The following CNTNAP2 variants were observed in gnomAD, a reference collection of about 807,000 sequenced individuals.
CNTNAP2 encodes contactin associated protein 2, also known as contactin-associated protein-like 2.
CNTNAP2 carries 98 observed loss-of-function variants against 155.2 expected under a neutral mutation model. The ratio of observed to expected loss-of-function variants is 0.63; its 90% CI spans 0.54 to 0.75. CNTNAP2 has a LOEUF of 0.75. Among genes scored for constraint, CNTNAP2 ranks in the 30% least tolerant of loss-of-function variants. CNTNAP2 has a pLI of 0.00. For synonymous variants in CNTNAP2, 651 were observed against 631.2 expected, an observed-to-expected ratio of 1.03 and a Z score of -0.47; for missense variants, 1,727 against 1,688.1, an observed-to-expected ratio of 1.02 and a Z score of -0.40.
At chr7:146,509,389 G>A (rs1413244248) in intron 1 of CNTNAP2, among the ~76,000 whole-genome samples, 1 of 152,190 alleles carries the variant, frequency 6.6e-6, no homozygotes, top group Non-Finnish European at 1.5e-5. Flanking sequence ...AGACAATACT[G>A]TTGGCTCCCT....
intron 1 of CNTNAP2, among the ~76,000 whole-genome samples, chr7:146,298,093 G>A (rs1800545009): frequency 6.6e-6 from 1 of 152,084 alleles, no homozygotes; most frequent in African/African-American, 2.4e-5. Context: ...GGAAACTATT[G>A]GTTTTCTTAC....
intron 9 of CNTNAP2, among the ~76,000 whole-genome samples, chr7:147,331,006 G>A (rs1005290239): frequency 1.3e-5 from 2 of 152,282 alleles, no homozygotes; most frequent in South Asian, 2.1e-4. Context: ...AAAGAGTAAT[G>A]TTTGGCCCTG....
At chr7:146,412,287 C>G (rs547411583) in intron 1 of CNTNAP2, among the ~76,000 whole-genome samples, 5 of 152,338 alleles carry the variant, frequency 3.3e-5, no homozygotes, top group African/African-American at 9.6e-5. Flanking sequence ...ATGCTCTTAT[C>G]TGTAAATCAG....
At chr7:148,409,742 C>A (rs887732712) in intron 23 of CNTNAP2, among the ~76,000 whole-genome samples, 2 of 149,272 alleles carry the variant, frequency 1.3e-5, no homozygotes, top group African/African-American at 5.0e-5. Context: ...CATGGCAAAA[C>A]CCCATATCTA....
intron 1 of CNTNAP2, among the ~76,000 whole-genome samples, chr7:146,457,795 G>T (rs1035351477): frequency 1.3e-5 from 2 of 151,530 alleles, no homozygotes; most frequent in Admixed American, 6.6e-5. Context: ...GAACAACTGC[G>T]CCTGGCCCAA....
rs570661863 is a variant in CNTNAP2 at position 147,468,879 on chromosome 7, C to T, written c.1671-17056C>T. On this transcript the variant is annotated intron_variant, in intron 10 of 23. Coordinates refer to ENST00000361727, the MANE Select transcript of CNTNAP2 (RefSeq NM_014141.6). ...CCCCCCAGACAGAGTGTCACTCTTTCACCCAGGCTGGAATGCAGTGACACA... is the reference window on the plus strand; with the variant it reads ...CCCCCCAGACAGAGTGTCACTCTTTTACCCAGGCTGGAATGCAGTGACACA... Among the ~76,000 whole-genome samples the T allele has an allele frequency of 4.0e-4, 61 of 151,348 alleles. No homozygotes were observed. The South Asian group carries it at 0.011, about 26-fold the overall frequency.
At position 147,833,230 on chromosome 7, in the gene CNTNAP2, C is replaced by T. The variant is rs138751949; in HGVS notation, c.2099-70335C>T. 5.1e-3 allele frequency among the ~76,000 whole-genome samples: 764 copies of T among 151,164 alleles called. 2 individuals carry two copies. Among genetic ancestry groups the T allele is most frequent in the South Asian group, 7.5e-3 (36 of 4,780 alleles). ...GAACATGAGGAGATGGTATACAAAT[C>T]TACAGAGGCATGAAACAATAGAAAT... is the stretch of plus-strand genomic sequence containing the variant. On this transcript the variant is annotated intron_variant, in intron 13 of 23. Coordinates refer to ENST00000361727, the MANE Select transcript of CNTNAP2 (RefSeq NM_014141.6).
intron 1 of CNTNAP2, among the ~76,000 whole-genome samples, chr7:146,738,157 C>T (rs951152332): frequency 6.6e-6 from 1 of 151,984 alleles, no homozygotes; most frequent in Admixed American, 6.6e-5. Context: ...TTCTTTTTCT[C>T]CACATCCTCA....
chr7:147,331,985 C>A (rs1258342723), intron 9 of CNTNAP2, among the ~76,000 whole-genome samples: 1 of 152,180 alleles, frequency 6.6e-6, no homozygotes, highest in Non-Finnish European at 1.5e-5. Flanking sequence ...TTTAAAAAAG[C>A]TGTTCTCAGC....
chr7:147,738,803 T>C (rs539944695), intron 13 of CNTNAP2, among the ~76,000 whole-genome samples: 1 of 152,014 alleles, frequency 6.6e-6, no homozygotes, highest in South Asian at 2.1e-4. Context: ...TACAGGCATG[T>C]GCCACCGTGC....
chr7:146,782,792 A>T (rs1162273202), intron 2 of CNTNAP2, among the ~76,000 whole-genome samples: 1 of 152,180 alleles, frequency 6.6e-6, no homozygotes, highest in Non-Finnish European at 1.5e-5. Context: ...TTGCATTGAA[A>T]TATTAGTCTC....
intron 16 of CNTNAP2, among the ~76,000 whole-genome samples, chr7:148,144,797 G>A (rs187494494): frequency 2.0e-5 from 3 of 152,282 alleles, no homozygotes; most frequent in Admixed American, 2.0e-4. Flanking sequence ...TCTCCAACTG[G>A]AGACACACAT....
intron 8 of CNTNAP2, among the ~76,000 whole-genome samples, chr7:147,249,778 G>T (rs540980091): frequency 6.6e-6 from 1 of 151,980 alleles, no homozygotes; most frequent in South Asian, 2.1e-4. Flanking sequence ...TATAACTTTG[G>T]GCAGTAATTT....
intron 15 of CNTNAP2, among the ~76,000 whole-genome samples, chr7:148,079,927 A>C (rs1803563226): frequency 6.6e-6 from 1 of 152,202 alleles, no homozygotes; most frequent in East Asian, 1.9e-4. Flanking sequence ...GGAGAGGCCA[A>C]TTCAGATGGC....
At chr7:146,330,389 T>C (rs1265916012) in intron 1 of CNTNAP2, among the ~76,000 whole-genome samples, 1 of 152,156 alleles carries the variant, frequency 6.6e-6, no homozygotes, top group Non-Finnish European at 1.5e-5. Context: ...CATCACAAAG[T>C]TCCTGTATCT....
intron 2 of CNTNAP2, among the ~76,000 whole-genome samples, chr7:146,779,686 C>G (rs1485550726): frequency 6.6e-6 from 1 of 152,152 alleles, no homozygotes; most frequent in East Asian, 1.9e-4. Context: ...TGTTTGTTGC[C>G]TCCTCAAAGA....
chr7:146,893,405 A>C (rs1375487164), intron 3 of CNTNAP2, among the ~76,000 whole-genome samples: 1 of 151,642 alleles, frequency 6.6e-6, no homozygotes, highest in Non-Finnish European at 1.5e-5. Flanking sequence ...CATTTATTAC[A>C]TATATACATA....
intron 2 of CNTNAP2, among the ~76,000 whole-genome samples, chr7:146,782,028 A>G (rs1802500512): frequency 6.6e-6 from 1 of 152,146 alleles, no homozygotes; most frequent in Non-Finnish European, 1.5e-5. Context: ...CTTAACCTTA[A>G]TTAGGAAGCT....
intron 1 of CNTNAP2, among the ~76,000 whole-genome samples, chr7:146,512,524 C>G (rs759365163): frequency 2.7e-5 from 4 of 149,082 alleles, no homozygotes; most frequent in Non-Finnish European, 4.5e-5. Flanking sequence ...TTCAAATTGT[C>G]CTAACTTTTT....
Sources: gnomAD v4.1 joint callset for allele counts (sites outside exome capture counted in the v4.1 genomes callset) on GRCh38, gnomAD v4.1.1 for gene constraint, MANE v1.5 for transcripts, NCBI Gene and HGNC (gene_info 2026-07-23, HGNC 2026-07-21) for gene names.